Variants in EGR4 observed in about 807,000 individuals in gnomAD.
EGR4 encodes early growth response protein 4.
EGR4 carries 22 observed loss-of-function variants against 25.4 expected under a neutral mutation model. The observed-to-expected ratio is 0.87, with a 90% CI of 0.62 to 1.24. EGR4 has a LOEUF of 1.24. Ranked by LOEUF, EGR4 falls within the 50% of genes most tolerant of loss-of-function variation. EGR4 has a pLI of 0.00. For synonymous variants in EGR4, 375 were observed against 320.1 expected, an observed-to-expected ratio of 1.17 and a Z score of -1.83; for missense variants, 742 against 702.9, an observed-to-expected ratio of 1.06 and a Z score of -0.63.
Position 73,293,508 on chromosome 2 carries a change from CG to C in EGR4, c.-192del. 6.7e-7 allele frequency: 1 copy of C among 1,502,406 alleles called. No individual in the cohort carries two copies. Among genetic ancestry groups the C allele is most frequent in the Non-Finnish European group, 8.8e-7 (1 of 1,130,434 alleles). 93.1% of individuals were successfully genotyped at this position (1,502,406 alleles called of 1,614,324 possible). A position where few individuals can be genotyped will look rare whatever the true frequency, so the allele number is the denominator to read the frequency against. Reference sequence around the variant, plus strand: ...CGCCCTCGCTCGCCCGCACCGGCCTCGGGCGGCGGCTCCTCGCCTCTCCAAA... The same window carrying C: ...CGCCCTCGCTCGCCCGCACCGGCCTCGGCGGCGGCTCCTCGCCTCTCCAAA... On this transcript the variant is annotated 5_prime_UTR_variant, in exon 1 of 2. Transcript: ENST00000436467.
At position 73,291,676 on chromosome 2, in the gene EGR4, G is replaced by T. The variant is rs146026377; in HGVS notation, c.1242C>A (p.Ile414=). Residue 414 remains isoleucine (I), a synonymous_variant, in exon 2 of 2, where the codon ATC becomes ATA. Transcript: ENST00000436467. ...CGCTGCGGCTGAAGTTGCGGAGGCA[G>T]ATGCGGCACTGGAAGGGTTTGTGGC... ...HTGHKPFQCR[I]CLRNFSRSDH... The T allele has an allele frequency of 8.1e-4, 1,306 of 1,610,758 alleles. 13 individuals carry two copies. In the South Asian group the frequency reaches 9.3e-3, roughly 12 times the overall value.
intron 1 of EGR4, 30 bp from the exon 2 acceptor site, chr2:73,292,811 C>A (rs369556242): frequency 4.3e-4 from 609 of 1,411,074 alleles, no homozygotes; most frequent in Non-Finnish European, 5.4e-4. Context: ...CAGCTCTGGG[C>A]ACATCAAAGG....
In EGR4 at chr2:73,291,313, G is replaced by A. The variant is rs1004131930; in HGVS notation, c.*144C>T. The A allele has an allele frequency of 1.1e-5, 13 of 1,150,798 alleles. No individual in the cohort carries two copies. The highest frequency in any genetic ancestry group is 1.1e-4 in the South Asian group (7 of 62,310). The allele number at this position is 1,150,798 out of a possible 1,614,324, so 71.3% of individuals were successfully genotyped here. ...TGGTGCTGAATAGGGCGTGTGCGGC[G>A]GGCGCTTCAAGGAAACTGGAAGCGG... is the stretch of plus-strand genomic sequence containing the variant. On this transcript the variant is annotated 3_prime_UTR_variant, in exon 2 of 2. Transcript: ENST00000436467.
Position 73,292,156 on chromosome 2 carries a change from G to A in EGR4, c.762C>T (p.Ala254=), listed in dbSNP as rs1364391989. The A allele has an allele frequency of 1.3e-6, 2 of 1,587,934 alleles. No individual in the cohort carries two copies. Among genetic ancestry groups the A allele is most frequent in the Admixed American group, 1.8e-5 (1 of 56,186 alleles). The change falls in exon 2 of 2, where the codon GCC becomes GCT. Residue 254 remains alanine, a synonymous_variant. Transcript: ENST00000436467. ...LSISCPAELP[A]VPANRLYPSG... is the part of the protein sequence containing the mutation. The stretch of plus-strand genomic sequence containing the variant: ...TGGGATAGAGTCTGTTGGCTGGGAC[G>A]GCCGGCAGTTCCGCAGGGCAGCTGA...
rs540151603 is a variant in EGR4, at chr2:73,292,834, C to T, written c.137-53G>A. 147 of 1,364,558 alleles carry T rather than the reference C, an allele frequency of 1.1e-4. No homozygotes were observed. In the East Asian group the frequency reaches 3.9e-3, roughly 36 times the overall value. The allele number at this position is 1,364,558 out of a possible 1,614,324, so 84.5% of individuals were successfully genotyped here. A position where few individuals can be genotyped will look rare whatever the true frequency, so the allele number is the denominator to read the frequency against. On this transcript the variant is annotated intron_variant, in intron 1 of 1. Transcript: ENST00000436467. ...GGCACATCAAAGGGTGCACCTGAGT[C>T]CACAGCCCCTACCTACAAAACTCTT...
rs1356929256 is a variant in EGR4 at position 73,293,340 on chromosome 2, G to A, written c.-23C>T. 9 of 1,553,646 alleles carry A rather than the reference G, an allele frequency of 5.8e-6. No homozygotes were observed. Among genetic ancestry groups the A allele is most frequent in the African/African-American group, 1.4e-5 (1 of 71,940 alleles). Reference sequence around the variant, plus strand: ...CATGGCGCGGCGCCGGCTGTGGGGCGCCCGGGGCCTCGCCCGCTGGGCTTG... The same window carrying A: ...CATGGCGCGGCGCCGGCTGTGGGGCACCCGGGGCCTCGCCCGCTGGGCTTG... On this transcript the variant is annotated 5_prime_UTR_variant, in exon 1 of 2. Transcript: ENST00000436467.
Position 73,292,964 on chromosome 2 carries a change from T to C in EGR4, c.137-183A>G, listed in dbSNP as rs528018754. On this transcript the variant is annotated intron_variant, in intron 1 of 1. Transcript: ENST00000436467. ...GAAACATGCACACGCAAAACACACG[T>C]GCACAGGCAAAAGGGCGCTCCGATA... Among the ~76,000 whole-genome samples the C allele has an allele frequency of 1.1e-4, 16 of 152,294 alleles. No individual in the cohort carries two copies. In the South Asian group the frequency reaches 3.3e-3, roughly 32 times the overall value.
rs776232697 is a variant in EGR4 at position 73,291,682 on chromosome 2, G to T, written c.1236C>A (p.Cys412Ter). ...RIHTGHKPFQ[C>*]RICLRNFSRS... ...GGCTGAAGTTGCGGAGGCAGATGCGGCACTGGAAGGGTTTGTGGCCCGTGT... is the reference window on the plus strand; with the variant it reads ...GGCTGAAGTTGCGGAGGCAGATGCGTCACTGGAAGGGTTTGTGGCCCGTGT... Residue 412 changes from cysteine to a stop codon, truncating the protein, a stop_gained, in exon 2 of 2, where the codon TGC becomes TGA. Transcript: ENST00000436467. LOFTEE classifies it high-confidence loss of function. 6.2e-7 allele frequency: 1 copy of T among 1,610,030 alleles called. No individual in the cohort carries two copies.
chr2:73,291,840 C>A lies in EGR4; in HGVS notation c.1078G>T (p.Gly360Trp), dbSNP rs1316311114. The change falls in exon 2 of 2, where the codon GGG becomes TGG. Residue 360 changes from glycine (G) to tryptophan (W), a missense_variant. Gly to Trp is a radical substitution (Grantham distance 184). Coordinates refer to ENST00000436467, the MANE Select transcript of EGR4 (RefSeq NM_001965.4). ...GTGCTGCATTTGCCGCCGCGGCGCC[C>A]CTTGCGTCGCGCCTTGGCCTGGGGG... is the stretch of plus-strand genomic sequence containing the variant. ...PFPQAKARRK[G>W]RRGGKCSTRC... 5 of 1,580,230 alleles carry A rather than the reference C, an allele frequency of 3.2e-6. No homozygotes were observed. Among genetic ancestry groups the A allele is most frequent in the Non-Finnish European group, 3.4e-6 (4 of 1,168,988 alleles).
Position 73,291,933 on chromosome 2 carries a change from C to A in EGR4, c.985G>T (p.Val329Leu), listed in dbSNP as rs546250227. ...AAAADFPKPLVADIPGSSGVA... is the reference protein window; with the variant it reads ...AAAADFPKPLLADIPGSSGVA... ...CCACTGCTTCCAGGGATGTCCGCCA[C>A]CAGAGGTTTAGGGAAGTCCGCCGCG... Residue 329 changes from valine (V) to leucine (L), a missense_variant, in exon 2 of 2, where the codon GTG (valine) becomes TTG (leucine). Physicochemically the swap from Val to Leu is conservative, Grantham distance 32. Transcript: ENST00000436467. 459 of 1,582,608 alleles carry A rather than the reference C, an allele frequency of 2.9e-4. 2 individuals are homozygous for A. The East Asian group carries it at 9.8e-3, about 34-fold the overall frequency.
Position 73,291,342 on chromosome 2 carries a change from C to T in EGR4, c.*115G>A, listed in dbSNP as rs1689091183. ...GCTTCAAGGAAACTGGAAGCGGGAC[C>T]GGAGGCCGGCCCTCGGGCGTGCGAG... On this transcript the variant is annotated 3_prime_UTR_variant, in exon 2 of 2. Coordinates refer to ENST00000436467, the MANE Select transcript of EGR4 (RefSeq NM_001965.4). 7.0e-7 allele frequency: 1 copy of T among 1,436,258 alleles called. No individual in the cohort carries two copies. Among genetic ancestry groups the T allele is most frequent in the South Asian group, 1.4e-5 (1 of 70,728 alleles). The allele number at this position is 1,436,258 out of a possible 1,614,324, so 89.0% of individuals were successfully genotyped here. A position where few individuals can be genotyped will look rare whatever the true frequency, so the allele number is the denominator to read the frequency against.
chr2:73,292,436 G>T lies in EGR4; in HGVS notation c.482C>A (p.Ala161Asp), dbSNP rs375223327. Residue 161 changes from alanine to aspartate, a missense_variant, in exon 2 of 2, where the codon GCC (alanine) becomes GAC (aspartate). Physicochemically the swap from Ala to Asp is moderately radical, Grantham distance 126 (BLOSUM62 -2). Transcript: ENST00000436467. ...AAPFPEAFWE[A>D]SPCAGAPSQC... is the part of the protein sequence containing the mutation. ...CGAGGGGGCACCCGCGCAAGGCGAGGCCTCCCAGAACGCCTCTGGGAAAGG... is the reference window on the plus strand; with the variant it reads ...CGAGGGGGCACCCGCGCAAGGCGAGTCCTCCCAGAACGCCTCTGGGAAAGG... The T allele has an allele frequency of 1.1e-4, 162 of 1,497,586 alleles. No homozygotes were observed. Among genetic ancestry groups the T allele is most frequent in the Non-Finnish European group, 1.4e-4 (155 of 1,124,998 alleles). The allele number at this position is 1,497,586 out of a possible 1,614,324, so 92.8% of individuals were successfully genotyped here.
Position 73,291,428 on chromosome 2 carries a change from G to A in EGR4, c.*29C>T. 2 of 1,539,378 alleles carry A rather than the reference G, an allele frequency of 1.3e-6. No individual in the cohort carries two copies. The highest frequency in any genetic ancestry group is 1.7e-6 in the Non-Finnish European group (2 of 1,145,270). ...CGGAACTCGTGCGCGCCGAACGGCGGCGCCCCAACCCATAAACCCATCTCT... is the reference window on the plus strand; with the variant it reads ...CGGAACTCGTGCGCGCCGAACGGCGACGCCCCAACCCATAAACCCATCTCT... On this transcript the variant is annotated 3_prime_UTR_variant, in exon 2 of 2. Transcript: ENST00000436467.
rs780202647 is a variant in EGR4, at chr2:73,293,453, A to G, written c.-136T>C. ...CCCGGGCTCCTGGCTTCGGGCACTC[A>G]CCTCTGGGAAAGGAGTCGGGGAGCC... is the stretch of plus-strand genomic sequence containing the variant. On this transcript the variant is annotated 5_prime_UTR_variant, in exon 1 of 2. Coordinates refer to ENST00000436467, the MANE Select transcript of EGR4 (RefSeq NM_001965.4). 9.9e-6 allele frequency: 15 copies of G among 1,516,962 alleles called. No homozygotes were observed. The East Asian group carries it at 3.5e-4, about 36-fold the overall frequency. The allele number at this position is 1,516,962 out of a possible 1,614,324, so 94.0% of individuals were successfully genotyped here. A position where few individuals can be genotyped will look rare whatever the true frequency, so the allele number is the denominator to read the frequency against.
Position 73,293,068 on chromosome 2 carries a change from T to C in EGR4, c.136+114A>G. 7 of 1,131,820 alleles carry C rather than the reference T, an allele frequency of 6.2e-6. No homozygotes were observed. In the South Asian group the frequency reaches 1.2e-4, roughly 19 times the overall value. The allele number at this position is 1,131,820 out of a possible 1,614,324, so 70.1% of individuals were successfully genotyped here. On this transcript the variant is annotated intron_variant, in intron 1 of 1. Transcript: ENST00000436467. Reference sequence around the variant, plus strand: ...GTGCGCACCCCAGGACTCCTAAGCTTCCCATCGCCCCTATTCTCATAGCTC... The same window carrying C: ...GTGCGCACCCCAGGACTCCTAAGCTCCCCATCGCCCCTATTCTCATAGCTC...
At position 73,291,634 on chromosome 2, in the gene EGR4, G is replaced by C; in HGVS notation, c.1284C>G (p.His428Gln). The C allele has an allele frequency of 6.2e-7, 1 of 1,612,758 alleles. No individual in the cohort carries two copies. The highest frequency in any genetic ancestry group is 8.5e-7 in the Non-Finnish European group (1 of 1,179,938). ...NFSRSDHLTT[H>Q]VRTHTGEKPF... ...GCTTCTCGCCGGTGTGGGTGCGCAC[G>C]TGCGTGGTGAGGTGGTCGCTGCGGC... Residue 428 changes from histidine (H) to glutamine (Q), a missense_variant, in exon 2 of 2, where the codon CAC becomes CAG. Transcript: ENST00000436467.
Position 73,293,162 on chromosome 2 carries a change from C to T in EGR4, c.136+20G>A. On this transcript the variant is annotated intron_variant, in intron 1 of 1. Transcript: ENST00000436467. ...GCGCTGCGCCGTCGTCGTCTGAGCACCCCTGCTCGCCCTCCTTACCTCCAG... is the reference window on the plus strand; with the variant it reads ...GCGCTGCGCCGTCGTCGTCTGAGCATCCCTGCTCGCCCTCCTTACCTCCAG... The T allele has an allele frequency of 1.1e-5, 16 of 1,475,828 alleles. No homozygotes were observed. The highest frequency in any genetic ancestry group is 1.4e-5 in the Non-Finnish European group (16 of 1,109,790). The allele number at this position is 1,475,828 out of a possible 1,614,324, so 91.4% of individuals were successfully genotyped here.
rs749947757 is a variant in EGR4, at chr2:73,293,200, C to T, written c.118G>A (p.Ala40Thr). 1.9e-6 allele frequency: 3 copies of T among 1,544,930 alleles called. No individual in the cohort carries two copies. The highest frequency in any genetic ancestry group is 2.6e-6 in the Non-Finnish European group (3 of 1,145,012). ...PRLPARDAPA[A>T]TGYPGAGDFL... Reference sequence around the variant, plus strand: ...TCCTTACCTCCAGGGTAGCCGGTGGCCGCGGGAGCGTCCCTGGCAGGCAGC... The same window carrying T: ...TCCTTACCTCCAGGGTAGCCGGTGGTCGCGGGAGCGTCCCTGGCAGGCAGC... Residue 40 changes from alanine (A) to threonine (T), a missense_variant, in exon 1 of 2, where the codon GCC becomes ACC. Transcript: ENST00000436467.
chr2:73,293,167 G>GC lies in EGR4; in HGVS notation c.136+14dup. 1 of 1,489,246 alleles carries GC rather than the reference G, an allele frequency of 6.7e-7. No individual in the cohort carries two copies. The highest frequency in any genetic ancestry group is 9.0e-7 in the Non-Finnish European group (1 of 1,116,360). The allele number at this position is 1,489,246 out of a possible 1,614,324, so 92.3% of individuals were successfully genotyped here. A position where few individuals can be genotyped will look rare whatever the true frequency, so the allele number is the denominator to read the frequency against. ...GCGCCGTCGTCGTCTGAGCACCCCT[G>GC]CTCGCCCTCCTTACCTCCAGGGTAG... is the stretch of plus-strand genomic sequence containing the variant. On this transcript the variant is annotated intron_variant, in intron 1 of 1. Coordinates refer to ENST00000436467, the MANE Select transcript of EGR4 (RefSeq NM_001965.4).
Sources: gnomAD v4.1 joint callset for allele counts (sites outside exome capture counted in the v4.1 genomes callset) on GRCh38, gnomAD v4.1.1 for gene constraint, MANE v1.5 for transcripts, NCBI Gene and HGNC (gene_info 2026-07-23, HGNC 2026-07-21) for gene names.